The following SPON1 variants were observed in gnomAD, a reference collection of about 807,000 sequenced individuals.
The protein encoded by SPON1 is spondin 1, also known as spondin-1.
In SPON1, 52 loss-of-function variants were observed where a neutral mutation model predicts 111.7. The observed-to-expected ratio is 0.47, with a 90% CI of 0.37 to 0.59. The LOEUF is 0.59. SPON1 is among the 20% of genes least tolerant of loss of function. The probability of loss-of-function intolerance (pLI) is 0.00; values close to 1 mark genes in which losing one functional copy is unlikely to be tolerated. For synonymous variants in SPON1, 410 were observed against 395.8 expected (o/e 1.04, Z -0.43); for missense variants, 957 against 1,068.5 (o/e 0.90, Z 1.46).
intron 3 of SPON1, among the ~76,000 whole-genome samples, chr11:14,065,129 C>T (rs1286476507): frequency 6.6e-6 from 1 of 152,170 alleles, no homozygotes; most frequent in Non-Finnish European, 1.5e-5. Context: ...AGTTCTACTA[C>T]TCTACAGGAT....
In SPON1 at chr11:14,228,740, C is replaced by G. The variant is rs1430771962; in HGVS notation, c.826-14592C>G. Among the ~76,000 whole-genome samples, 3 of 152,208 alleles carry G rather than the reference C, an allele frequency of 2.0e-5. No homozygotes were observed. The highest frequency in any genetic ancestry group is 3.8e-4 in the East Asian group (2 of 5,200). ...CTTCACTCCTGAAGAGAGATCTGGACAGAGCGTCACATTGTCTTCCACACT... is the reference window on the plus strand; with the variant it reads ...CTTCACTCCTGAAGAGAGATCTGGAGAGAGCGTCACATTGTCTTCCACACT... On this transcript the variant is annotated intron_variant, in intron 6 of 15. Transcript: ENST00000576479. This position sits in a 1 kb window ranked among gnomAD's most constrained non-coding sequence, Gnocchi z 4.2.
At chr11:14,237,412 T>C (rs928976078) in intron 6 of SPON1, among the ~76,000 whole-genome samples, 2 of 151,620 alleles carry the variant, frequency 1.3e-5, no homozygotes, top group Admixed American at 6.6e-5. Context: ...ATGAGCAACA[T>C]GGGGGAGGGA....
rs782003722 is a variant in SPON1, at chr11:14,255,757, C to T, written c.1203C>T (p.Ala401=). The T allele has an allele frequency of 1.9e-6, 3 of 1,613,718 alleles. No homozygotes were observed. Among genetic ancestry groups the T allele is most frequent in the East Asian group, 4.5e-5 (2 of 44,870 alleles). The change falls in exon 9 of 16, where the codon GCC becomes GCT. Residue 401 remains alanine (A), a synonymous_variant. Coordinates refer to ENST00000576479, the MANE Select transcript of SPON1 (RefSeq NM_006108.4). ...AGGGTGGGTCCATCACTCAAGTAGC[C>T]AGAGTTGTCATCGAGAGAATCGCAC... is the stretch of plus-strand genomic sequence containing the variant. ...DPEGGSITQV[A]RVVIERIARK... is the part of the protein sequence containing the mutation.
At chr11:14,204,043 A>C (rs193161834) in intron 6 of SPON1, among the ~76,000 whole-genome samples, 271 of 152,292 alleles carry the variant, frequency 1.8e-3, no homozygotes, top group African/African-American at 6.3e-3. Flanking sequence ...TCTTCGGTGT[A>C]ATGGCAATCT....
intron 5 of SPON1, among the ~76,000 whole-genome samples, chr11:14,085,918 C>T (rs193274629): frequency 1.1e-3 from 164 of 152,006 alleles, no homozygotes; most frequent in Non-Finnish European, 1.8e-3. Context: ...CAATTGTGAA[C>T]GGGAGTTCAC....
chr11:13,962,995 G>A lies in SPON1; in HGVS notation c.91G>A (p.Asp31Asn), dbSNP rs938867643. The A allele has an allele frequency of 7.5e-6, 12 of 1,595,590 alleles. No individual in the cohort carries two copies. The highest frequency in any genetic ancestry group is 6.9e-5 in the Admixed American group (4 of 58,172). ...LPLAAALAFS[D>N]ETLDKVPKSE... ...CCTGGCCGCGGCGCTGGCCTTCTCC[G>A]ACGAGACCCTGGACAAAGTGCCCAA... Residue 31 changes from aspartate to asparagine, a missense_variant, in exon 1 of 16, where the codon GAC (aspartate) becomes AAC (asparagine). Asp to Asn is a conservative substitution (Grantham distance 23). Around this residue, in one of 5 missense-constraint regions of SPON1, gnomAD observed 262 missense variants for 253.9 expected, o/e 1.03. Transcript: ENST00000576479.
At chr11:14,177,675 C>T (rs748237165) in intron 6 of SPON1, among the ~76,000 whole-genome samples, 5 of 152,112 alleles carry the variant, frequency 3.3e-5, no homozygotes, top group Non-Finnish European at 7.3e-5. Flanking sequence ...CCTGGCCGTC[C>T]CCATAGGTGA....
intron 6 of SPON1, among the ~76,000 whole-genome samples, chr11:14,142,618 AG>A (rs1342956365): frequency 1.3e-5 from 2 of 152,218 alleles, no homozygotes; most frequent in Admixed American, 1.3e-4. Context: ...TGCTCGCTGG[AG>A]CTAGTTCGAT....
Position 14,130,373 on chromosome 11 carries a change from G to A in SPON1, c.677-5047G>A, listed in dbSNP as rs1554927425. On this transcript the variant is annotated intron_variant, in intron 5 of 15. Transcript: ENST00000576479. ...GTGGTAAATGGCATTGGAAAAGGGG[G>A]AAACATGATCAAAAGTTCCTCCTGC... 2.0e-5 allele frequency among the ~76,000 whole-genome samples: 3 copies of A among 152,128 alleles called. No homozygotes were observed. In the East Asian group the frequency reaches 5.8e-4, roughly 29 times the overall value.
At chr11:14,115,506 T>C (rs185028321) in intron 5 of SPON1, among the ~76,000 whole-genome samples, 39 of 152,352 alleles carry the variant, frequency 2.6e-4, no homozygotes, top group Non-Finnish European at 4.3e-4. Flanking sequence ...TTTTACAATA[T>C]GTACTCTTTT....
At chr11:14,160,925 T>G (rs1185462262) in intron 6 of SPON1, among the ~76,000 whole-genome samples, 1 of 29,804 alleles carries the variant, frequency 3.4e-5, no homozygotes, top group African/African-American at 1.4e-4. Flanking sequence ...ATTTATATAT[T>G]TATATATTTA....
chr11:14,062,259 G>T (rs1848796997), intron 3 of SPON1, among the ~76,000 whole-genome samples: 1 of 152,122 alleles, frequency 6.6e-6, no homozygotes, highest in African/African-American at 2.4e-5. Context: ...CCCCAAAATG[G>T]CCAGCATCCC....
chr11:13,979,733 G>A lies in SPON1; in HGVS notation c.239-3114G>A, dbSNP rs553865040. On this transcript the variant is annotated intron_variant, in intron 1 of 15. Transcript: ENST00000576479. ...CACAAGAGCCACAGGGGCTGGCCAC[G>A]GGAAGCAGAAATATATTAGTGCCAG... Among the ~76,000 whole-genome samples, 9 of 152,278 alleles carry A rather than the reference G, an allele frequency of 5.9e-5. 1 individual carries two copies. The South Asian group carries it at 1.5e-3, about 25-fold the overall frequency.
intron 2 of SPON1, among the ~76,000 whole-genome samples, chr11:14,007,088 T>C (rs1193001801): frequency 6.6e-6 from 1 of 152,130 alleles, no homozygotes; most frequent in Non-Finnish European, 1.5e-5. Flanking sequence ...GTAGGGGGAA[T>C]GGTTTCAGGA....
chr11:14,056,836 A>G (rs1848748105), intron 3 of SPON1, among the ~76,000 whole-genome samples: 1 of 152,212 alleles, frequency 6.6e-6, no homozygotes, highest in South Asian at 2.1e-4. Context: ...GCTTGCAGTA[A>G]GCGGAGATCG....
chr11:14,012,521 T>TAG (rs1554913835), intron 2 of SPON1, among the ~76,000 whole-genome samples: 4 of 152,222 alleles, frequency 2.6e-5, no homozygotes, highest in Non-Finnish European at 4.4e-5. Context: ...TGGTAGGGAA[T>TAG]GAGACTTTTC....
At chr11:14,173,251 C>T (rs1554932712) in intron 6 of SPON1, among the ~76,000 whole-genome samples, 1 of 152,064 alleles carries the variant, frequency 6.6e-6, no homozygotes, top group Admixed American at 6.6e-5. Flanking sequence ...TTTCGTCTTC[C>T]ATCGCTGATA....
chr11:14,177,969 TTCAAAGTACTTGTCACA>T (rs1554933273), intron 6 of SPON1, among the ~76,000 whole-genome samples: 2 of 152,034 alleles, frequency 1.3e-5, no homozygotes, highest in East Asian at 3.9e-4. Flanking sequence ...CTTATTCCTG[TTCAAAGTACTTGTCACA>T]TGAAATACAT....
intron 4 of SPON1, among the ~76,000 whole-genome samples, chr11:14,076,627 G>A (rs1279595161): frequency 6.6e-6 from 1 of 152,196 alleles, no homozygotes; most frequent in Non-Finnish European, 1.5e-5. Context: ...AGGAGCCAAT[G>A]CCCTTAACCA....
Sources: gnomAD v4.1 joint callset for allele counts (sites outside exome capture counted in the v4.1 genomes callset) on GRCh38, gnomAD v4.1.1 for gene constraint, gnomAD v4.1.1 regional missense constraint, Gnocchi (gnomAD v3.1) non-coding constraint, MANE v1.5 for transcripts, NCBI Gene and HGNC (gene_info 2026-07-23, HGNC 2026-07-21) for gene names.